The following SCN4A variants were observed in gnomAD, a reference collection of about 807,000 sequenced individuals.
SCN4A encodes the protein sodium channel protein type 4 subunit alpha.
Under a neutral mutation model 162.0 loss-of-function variants are expected in SCN4A, and 83 were observed. The observed-to-expected ratio is 0.51, with a 90% CI of 0.43 to 0.61. The LOEUF is 0.61. SCN4A is among the 20% of genes least tolerant of loss of function. SCN4A has a pLI of 0.00. For synonymous variants in SCN4A, 944 were observed against 985.1 expected (o/e 0.96, Z 0.78); for missense variants, 2,196 against 2,462.5 (o/e 0.89, Z 2.29).
rs1443147940 is a variant in SCN4A, at chr17:63,971,849, A to AC, written c.483dup (p.Tyr162ValfsTer10). 5 of 1,569,078 alleles carry AC rather than the reference A, an allele frequency of 3.2e-6. No individual in the cohort carries two copies. Among genetic ancestry groups the AC allele is most frequent in the South Asian group, 2.3e-5 (2 of 88,426 alleles). On this transcript the variant is annotated frameshift_variant and splice_region_variant, in exon 4 of 24. Transcript: ENST00000435607. LOFTEE classifies it high-confidence loss of function. ...AAGGTGTAGATCCCTGTGAAGGTGT[A>AC]CCTGGGGGGGAGAGGGCCGGCCGGG...
intron 13 of SCN4A, among the ~76,000 whole-genome samples, chr17:63,953,173 A>G (rs1908966703): frequency 6.6e-6 from 1 of 152,186 alleles, no homozygotes; most frequent in African/African-American, 2.4e-5. Flanking sequence ...ATCCTGGCTA[A>G]CATGGTGAAA....
intron 15 of SCN4A, 125 bp from the exon 16 acceptor site, chr17:63,948,890 C>T (rs938497846): frequency 1.2e-6 from 1 of 811,248 alleles, no homozygotes; most frequent in Non-Finnish European, 1.9e-6. Flanking sequence ...GACCCAGGGC[C>T]CCCACCTCCT....
chr17:63,964,797 T>TG lies in SCN4A; in HGVS notation c.1243-121dup, dbSNP rs1035282368. 60 of 739,090 alleles carry TG rather than the reference T, an allele frequency of 8.1e-5. No individual in the cohort carries two copies. The African/African-American group carries it at 1.0e-3, about 12-fold the overall frequency. 45.8% of individuals were successfully genotyped at this position (739,090 alleles called of 1,614,324 possible). A position where few individuals can be genotyped will look rare whatever the true frequency, so the allele number is the denominator to read the frequency against. ...AGCAGAGCCCCTCCCTCACAGAGCC[T>TG]GGGGGACTGATGGCCGTCATTGGCA... is the stretch of plus-strand genomic sequence containing the variant. On this transcript the variant is annotated intron_variant, in intron 8 of 23. Coordinates refer to ENST00000435607, the MANE Select transcript of SCN4A (RefSeq NM_000334.4).
In SCN4A at chr17:63,972,046, G is replaced by T; in HGVS notation, c.482+90C>A. 1 of 1,155,930 alleles carries T rather than the reference G, an allele frequency of 8.7e-7. No individual in the cohort carries two copies. The highest frequency in any genetic ancestry group is 1.3e-5 in the South Asian group (1 of 75,698). 71.6% of individuals were successfully genotyped at this position (1,155,930 alleles called of 1,614,324 possible). ...GGTCACAATGACAGTGTGTCTCCCT[G>T]AAAGACAAGAGCAGCACCACACAGA... On this transcript the variant is annotated intron_variant, in intron 3 of 23. Coordinates refer to ENST00000435607, the MANE Select transcript of SCN4A (RefSeq NM_000334.4). The surrounding 1 kb of genome is among the most constrained non-coding windows in gnomAD (Gnocchi z 4.3).
At position 63,959,444 on chromosome 17, in the gene SCN4A, G is replaced by A. The variant is rs190853310; in HGVS notation, c.1846-6C>T. On this transcript the variant is annotated splice_polypyrimidine_tract_variant and splice_region_variant and intron_variant, in intron 11 of 23. Coordinates refer to ENST00000435607, the MANE Select transcript of SCN4A (RefSeq NM_000334.4). ...GTGAAGATGCCTGTGAAGACCTAGG[G>A]GGTGGCATGAGGCCCTGTCACAGAG... is the stretch of plus-strand genomic sequence containing the variant. 6 of 1,612,406 alleles carry A rather than the reference G, an allele frequency of 3.7e-6. No homozygotes were observed. In the African/African-American group the frequency reaches 8.0e-5, roughly 22 times the overall value.
At position 63,944,317 on chromosome 17, in the gene SCN4A, T is replaced by TA. The variant is rs1567817572; in HGVS notation, c.3912+355dup. 9.2e-5 allele frequency among the ~76,000 whole-genome samples: 14 copies of TA among 152,118 alleles called. No homozygotes were observed. ...ACCACGCCTGGCTAATTTCTTTTTT[T>TA]AATTTTTTTTGTATTTTTAGTATAG... On this transcript the variant is annotated intron_variant, in intron 21 of 23. Transcript: ENST00000435607. The surrounding 1 kb of genome is among the most constrained non-coding windows in gnomAD (Gnocchi z 4.3).
Position 63,959,304 on chromosome 17 carries a change from G to T in SCN4A, c.1980C>A (p.Ala660=). Residue 660 remains alanine, a synonymous_variant, in exon 12 of 24, where the codon GCC becomes GCA. Coordinates refer to ENST00000435607, the MANE Select transcript of SCN4A (RefSeq NM_000334.4). ...VTLSLVELGL[A]NVQGLSVLRS... ...GTAGCACAGACAGTCCCTGTACGTTGGCCAGGCCTAGCTCTACCAGGCTGA... is the reference window on the plus strand; with the variant it reads ...GTAGCACAGACAGTCCCTGTACGTTTGCCAGGCCTAGCTCTACCAGGCTGA... 1.9e-6 allele frequency: 3 copies of T among 1,613,822 alleles called. No homozygotes were observed. The highest frequency in any genetic ancestry group is 2.5e-6 in the Non-Finnish European group (3 of 1,179,812).
Position 63,947,129 on chromosome 17 carries a change from G to A in SCN4A, c.3357C>T (p.Tyr1119=), listed in dbSNP as rs903219930. The A allele has an allele frequency of 2.5e-6, 4 of 1,613,440 alleles. No homozygotes were observed. The highest frequency in any genetic ancestry group is 3.4e-6 in the Non-Finnish European group (4 of 1,179,794). ...GGGATTTGATGGGTCCCAGCTCCGA[G>A]TAGCCCAGCCAGTTGGCCACCAAGC... ...IISLVANWLG[Y]SELGPIKSLR... Residue 1119 remains tyrosine (Y), a synonymous_variant, in exon 18 of 24, where the codon TAC becomes TAT. Transcript: ENST00000435607.
rs761212631 is a variant in SCN4A at position 63,957,218 on chromosome 17, C to T, written c.2320G>A (p.Gly774Ser). ...ETMWDCMEVAGQAMCLTVFLM... is the reference protein window; with the variant it reads ...ETMWDCMEVASQAMCLTVFLM... Reference sequence around the variant, plus strand: ...AAGACGGTGAGGCACATGGCTTGGCCGGCCACCTCCATGCAGTCCCACATG... The same window carrying T: ...AAGACGGTGAGGCACATGGCTTGGCTGGCCACCTCCATGCAGTCCCACATG... Residue 774 changes from glycine to serine, a missense_variant, in exon 13 of 24, where the codon GGC (glycine) becomes AGC (serine). Gly to Ser is a moderately conservative substitution (Grantham distance 56, BLOSUM62 0). Coordinates refer to ENST00000435607, the MANE Select transcript of SCN4A (RefSeq NM_000334.4). 3.1e-5 allele frequency: 49 copies of T among 1,600,194 alleles called. No individual in the cohort carries two copies. Among genetic ancestry groups the T allele is most frequent in the Non-Finnish European group, 3.4e-5 (40 of 1,168,930 alleles).
Position 63,941,150 on chromosome 17 carries a change from G to T in SCN4A, c.5132C>A (p.Ser1711Tyr). 1 of 1,613,900 alleles carries T rather than the reference G, an allele frequency of 6.2e-7. No homozygotes were observed. The highest frequency in any genetic ancestry group is 8.5e-7 in the Non-Finnish European group (1 of 1,179,878). ...MEEKFMAANP[S>Y]KVSYEPITTT... ...GGTGATGGGCTCGTAGGACACCTTGGAGGGGTTGGCTGCCATGAACTTCTC... is the reference window on the plus strand; with the variant it reads ...GGTGATGGGCTCGTAGGACACCTTGTAGGGGTTGGCTGCCATGAACTTCTC... Residue 1711 changes from serine to tyrosine, a missense_variant, in exon 24 of 24, where the codon TCC (serine) becomes TAC (tyrosine). Coordinates refer to ENST00000435607, the MANE Select transcript of SCN4A (RefSeq NM_000334.4). The surrounding 1 kb of genome is among the most constrained non-coding windows in gnomAD (Gnocchi z 6.2).
intron 16 of SCN4A, 82 bp downstream of exon 16, chr17:63,948,529 G>T: frequency 1.6e-6 from 2 of 1,253,044 alleles, no homozygotes; most frequent in Non-Finnish European, 2.3e-6. Context: ...GGCCCTTCCT[G>T]TGTGTGGAGA....
intron 21 of SCN4A, 67 bp from the exon 22 acceptor site, chr17:63,943,917 C>T: frequency 2.0e-6 from 2 of 998,598 alleles, no homozygotes; most frequent in Non-Finnish European, 3.2e-6. Context: ...ACCACCCCCA[C>T]CTCAGTGGGG....
In SCN4A at chr17:63,948,769, A is replaced by T. The variant is rs1346938988; in HGVS notation, c.2990-4T>A. ...CAGGGCCAGCGCTGCACGCAGGCTG[A>T]TGGGGTGAGGGGGGACAGGGACAGG... On this transcript the variant is annotated splice_region_variant and splice_polypyrimidine_tract_variant and intron_variant, in intron 15 of 23. Coordinates refer to ENST00000435607, the MANE Select transcript of SCN4A (RefSeq NM_000334.4). 4 of 1,599,858 alleles carry T rather than the reference A, an allele frequency of 2.5e-6. No homozygotes were observed. The Admixed American group carries it at 6.7e-5, about 27-fold the overall frequency.
rs148187651 is a variant in SCN4A, at chr17:63,942,820, G to T, written c.4288+6C>A. On this transcript the variant is annotated splice_donor_region_variant and intron_variant, in intron 23 of 23. Coordinates refer to ENST00000435607, the MANE Select transcript of SCN4A (RefSeq NM_000334.4). Reference sequence around the variant, plus strand: ...CTGCCCTGCCGGTCCAGCCCGCCCCGCTCACCCACAATGGACAGGATGACG... The same window carrying T: ...CTGCCCTGCCGGTCCAGCCCGCCCCTCTCACCCACAATGGACAGGATGACG... 6.2e-7 allele frequency: 1 copy of T among 1,611,948 alleles called. No homozygotes were observed. Among genetic ancestry groups the T allele is most frequent in the Non-Finnish European group, 8.5e-7 (1 of 1,178,286 alleles).
At chr17:63,964,814 T>TC (rs1026512385) in intron 8 of SCN4A, 137 bp from the exon 9 acceptor site, 1 of 666,382 alleles carries the variant, frequency 1.5e-6, no homozygotes, top group African/African-American at 1.8e-5. Context: ...CTGATGGCCG[T>TC]CATTGGCATG....
chr17:63,958,461 T>C (rs73326347), intron 12 of SCN4A, among the ~76,000 whole-genome samples: 11,860 of 152,256 alleles, frequency 0.078, 1,134 homozygotes, highest in African/African-American at 0.23. Context: ...AGAATGTTGA[T>C]AGTTGTTGAA....
At chr17:63,949,819 G>A (rs1002394118) in intron 14 of SCN4A, 3 of 272,894 alleles carry the variant, frequency 1.1e-5, no homozygotes, top group East Asian at 7.0e-5. Flanking sequence ...GGGAGGAGGC[G>A]GGGACCCCGG....
In SCN4A at chr17:63,948,760, C is replaced by A. The variant is rs377277110; in HGVS notation, c.2995G>T (p.Val999Leu). The A allele has an allele frequency of 6.2e-7, 1 of 1,605,012 alleles. No homozygotes were observed. Among genetic ancestry groups the A allele is most frequent in the Admixed American group, 1.7e-5 (1 of 59,822 alleles). Reference protein sequence around the residue: ...QPEECFTEACVQRWPCLYVDI... With the variant: ...QPEECFTEACLQRWPCLYVDI... ...ACGTAGAGGCAGGGCCAGCGCTGCA[C>A]GCAGGCTGATGGGGTGAGGGGGGAC... The change falls in exon 16 of 24, where the codon GTG (valine) becomes TTG (leucine). Residue 999 changes from valine (V) to leucine (L), a missense_variant. Physicochemically the swap from Val to Leu is conservative, Grantham distance 32 (BLOSUM62 1). Coordinates refer to ENST00000435607, the MANE Select transcript of SCN4A (RefSeq NM_000334.4).
chr17:63,959,380 T>G lies in SCN4A; in HGVS notation c.1904A>C (p.Tyr635Ser). 1 of 1,613,928 alleles carries G rather than the reference T, an allele frequency of 6.2e-7. No individual in the cohort carries two copies. The highest frequency in any genetic ancestry group is 2.2e-5 in the East Asian group (1 of 44,882). Reference protein sequence around the residue: ...MVLKLIAMDPYEYFQQGWNIF... With the variant: ...MVLKLIAMDPSEYFQQGWNIF... ...ATTCCAACCCTGCTGGAAATACTCG[T>G]AGGGGTCCATGGCAATCAGCTTCAG... The change falls in exon 12 of 24, where the codon TAC becomes TCC. Residue 635 changes from tyrosine (Y) to serine (S), a missense_variant. Tyr to Ser is a moderately radical substitution (Grantham distance 144). Coordinates refer to ENST00000435607, the MANE Select transcript of SCN4A (RefSeq NM_000334.4).
Sources: allele counts gnomAD v4.1 joint callset (sites outside exome capture counted in the v4.1 genomes callset), GRCh38; gene constraint gnomAD v4.1.1; non-coding constraint Gnocchi (gnomAD v3.1); transcripts MANE v1.5; gene names NCBI Gene and HGNC (gene_info 2026-07-23, HGNC 2026-07-21).